Variants in DLGAP1 observed in about 807,000 individuals in gnomAD.
DLGAP1 encodes disks large-associated protein 1.
Under a neutral mutation model 90.8 loss-of-function variants are expected in DLGAP1, and 11 were observed. The ratio of observed to expected loss-of-function variants is 0.12; its 90% confidence interval spans 0.08 to 0.20. The LOEUF is 0.20. Among genes scored for constraint, DLGAP1 ranks in the 10% least tolerant of loss-of-function variants. DLGAP1 has a pLI of 1.00. For synonymous variants in DLGAP1, 558 were observed against 540.7 expected (o/e 1.03, Z -0.44); for missense variants, 1,050 against 1,333.8 (o/e 0.79, Z 3.31).
chr18:4,216,669 C>G (rs981321875), intron 1 of DLGAP1, among the ~76,000 whole-genome samples: 3 of 152,116 alleles, frequency 2.0e-5, no homozygotes, highest in Admixed American at 2.0e-4. Flanking sequence ...CAACTTCTAT[C>G]TTACTCCCTC....
intron 4 of DLGAP1, among the ~76,000 whole-genome samples, chr18:3,871,288 G>A (rs1040846715): frequency 4.6e-5 from 7 of 152,176 alleles, no homozygotes; most frequent in African/African-American, 1.7e-4. Context: ...AAAATAGATA[G>A]GAAGATACAA....
chr18:3,929,161 A>G (rs1012534393), intron 3 of DLGAP1, among the ~76,000 whole-genome samples: 10 of 152,178 alleles, frequency 6.6e-5, no homozygotes, highest in African/African-American at 9.7e-5. Context: ...GTAGGTCTTT[A>G]TATCAATGTG....
At chr18:4,166,253 C>A (rs1440829166) in intron 1 of DLGAP1, among the ~76,000 whole-genome samples, 1 of 151,920 alleles carries the variant, frequency 6.6e-6, no homozygotes, top group Non-Finnish European at 1.5e-5. Flanking sequence ...TACAAATGAC[C>A]AATAGCACAT....
In DLGAP1 at chr18:4,190,206, A is replaced by G. The variant is rs374439796; in HGVS notation, c.-266-38919T>C. Among the ~76,000 whole-genome samples, 32 of 152,298 alleles carry G rather than the reference A, an allele frequency of 2.1e-4. 2 individuals are homozygous for G. The highest frequency in any genetic ancestry group is 3.9e-4 in the Admixed American group (6 of 15,270). On this transcript the variant is annotated intron_variant, in intron 1 of 12. Coordinates refer to ENST00000315677, the MANE Select transcript of DLGAP1 (RefSeq NM_004746.4). ...ATGTGAAAAAAAGAGCTATCAAGCT[A>G]CTAAAAGACATGGAGGAAGTTGAAA...
intron 3 of DLGAP1, among the ~76,000 whole-genome samples, chr18:3,931,457 G>A (rs373292347): frequency 2.6e-5 from 4 of 152,096 alleles, no homozygotes; most frequent in Admixed American, 6.5e-5. Context: ...TTTTAAATCT[G>A]GATATGCTTT....
intron 5 of DLGAP1, among the ~76,000 whole-genome samples, chr18:3,798,923 G>C (rs1057108368): frequency 1.3e-5 from 2 of 151,868 alleles, no homozygotes; most frequent in Non-Finnish European, 2.9e-5. Context: ...GCCCAGGCTG[G>C]AGTGCAGTGG....
At chr18:4,346,002 G>A (rs11661967) in intron 1 of DLGAP1, among the ~76,000 whole-genome samples, 44,526 of 152,118 alleles carry the variant, frequency 0.29, 7,629 homozygotes, top group South Asian at 0.46. Flanking sequence ...TCCCGGGGAA[G>A]ATCTAAGTAG....
At chr18:4,088,007 C>A (rs1462616048) in intron 2 of DLGAP1, among the ~76,000 whole-genome samples, 1 of 94,282 alleles carries the variant, frequency 1.1e-5, no homozygotes, top group Non-Finnish European at 2.5e-5. Flanking sequence ...CCCTCTTTTT[C>A]TGTTTTTTTA....
intron 5 of DLGAP1, among the ~76,000 whole-genome samples, chr18:3,812,728 C>A (rs1317066758): frequency 6.6e-6 from 1 of 152,166 alleles, no homozygotes; most frequent in African/African-American, 2.4e-5. Flanking sequence ...CCGTCTCTGT[C>A]CGGATCTTTA....
intron 1 of DLGAP1, among the ~76,000 whole-genome samples, chr18:4,325,709 C>G (rs2080803344): frequency 6.6e-6 from 1 of 152,054 alleles, no homozygotes; most frequent in African/African-American, 2.4e-5. Context: ...GAAAGAATGC[C>G]ACACACCTAC....
intron 5 of DLGAP1, among the ~76,000 whole-genome samples, chr18:3,766,354 G>A (rs904750575): frequency 6.6e-5 from 10 of 152,090 alleles, no homozygotes; most frequent in Non-Finnish European, 1.5e-4. Flanking sequence ...ACTGAAAGGA[G>A]AAATAGAAAA....
Position 4,277,498 on chromosome 18 carries a change from T to C in DLGAP1, c.-266-126211A>G, listed in dbSNP as rs1007929467. Among the ~76,000 whole-genome samples, 3 of 152,150 alleles carry C rather than the reference T, an allele frequency of 2.0e-5. No individual in the cohort carries two copies. In the East Asian group the frequency reaches 5.8e-4, roughly 29 times the overall value. On this transcript the variant is annotated intron_variant, in intron 1 of 12. Coordinates refer to ENST00000315677, the MANE Select transcript of DLGAP1 (RefSeq NM_004746.4). The stretch of plus-strand genomic sequence containing the variant: ...TCTGTGGGTTTTCTGTGGGGTAAGA[T>C]ATATGTCATAGGTTCCGTGAAGGAT...
intron 5 of DLGAP1, among the ~76,000 whole-genome samples, chr18:3,769,144 G>C (rs1048869982): frequency 3.9e-5 from 6 of 152,102 alleles, no homozygotes; most frequent in African/African-American, 1.4e-4. Context: ...CCCAGGAGAA[G>C]AGTTCAACAT....
intron 10 of DLGAP1, among the ~76,000 whole-genome samples, chr18:3,514,930 A>G (rs1309976536): frequency 6.6e-6 from 1 of 152,018 alleles, no homozygotes; most frequent in Non-Finnish European, 1.5e-5. Flanking sequence ...TTTTGTAGAG[A>G]CAGGATCTCG....
At chr18:3,690,960 T>C (rs393428) in intron 7 of DLGAP1, among the ~76,000 whole-genome samples, 2,058 of 152,176 alleles carry the variant, frequency 0.014, 50 homozygotes, top group African/African-American at 0.047. Context: ...GTTTGGAAAA[T>C]GGTACAGTAT....
intron 3 of DLGAP1, chr18:3,977,715 G>A (rs980934904): frequency 3.1e-6 from 1 of 323,438 alleles, no homozygotes; most frequent in Non-Finnish European, 6.0e-6. Context: ...TCTCATACCA[G>A]GAAATAAGCT....
chr18:3,799,822 ACTC>A (rs1179758141), intron 5 of DLGAP1, among the ~76,000 whole-genome samples: 6 of 151,936 alleles, frequency 3.9e-5, no homozygotes, highest in Non-Finnish European at 7.4e-5. Context: ...TCCCGCTAAT[ACTC>A]CTCTACCTGA....
intron 1 of DLGAP1, among the ~76,000 whole-genome samples, chr18:4,446,104 G>C (rs2083659709): frequency 6.6e-6 from 1 of 152,116 alleles, no homozygotes; most frequent in African/African-American, 2.4e-5. Flanking sequence ...AAACAGGAGT[G>C]GTCATGGTGG....
chr18:3,737,446 C>T (rs577690226), intron 6 of DLGAP1, among the ~76,000 whole-genome samples: 51 of 136,044 alleles, frequency 3.7e-4, no homozygotes, highest in African/African-American at 1.4e-3. Context: ...GGCTTCATCC[C>T]TGGGATGCAA....
Sources: allele counts gnomAD v4.1 joint callset (sites outside exome capture counted in the v4.1 genomes callset), GRCh38; gene constraint gnomAD v4.1.1; transcripts MANE v1.5; gene names NCBI Gene and HGNC (gene_info 2026-07-23, HGNC 2026-07-21).